ARAP1: variants seen among roughly 807,000 people sequenced by gnomAD.
The protein encoded by ARAP1 is arf-GAP with Rho-GAP domain, ANK repeat and PH domain-containing protein 1.
ARAP1 carries 76 observed loss-of-function variants against 172.2 expected under a neutral mutation model. The observed-to-expected ratio is 0.44, with a 90% confidence interval of 0.37 to 0.53. The LOEUF (loss-of-function observed/expected upper bound fraction) is 0.53, where lower values mean the gene tolerates loss of function less well. Among genes scored for constraint, ARAP1 ranks in the 20% least tolerant of loss-of-function variants. ARAP1 has a pLI of 0.00. For synonymous variants in ARAP1, 804 were observed against 803.3 expected (o/e 1.00, Z -0.01); for missense variants, 1,686 against 1,977.5 (o/e 0.85, Z 2.80).
At chr11:72,700,730 G>A (rs941473540) in intron 16 of ARAP1, among the ~76,000 whole-genome samples, 5 of 152,346 alleles carry the variant, frequency 3.3e-5, no homozygotes, top group East Asian at 3.9e-4. Flanking sequence ...GTAGCCAGGC[G>A]TGGTGACTCA....
In ARAP1 at chr11:72,741,420, C is replaced by T. The variant is rs1322705096; in HGVS notation, c.-127-8823G>A. ...GAAAGGTGACTCAACCAGCCCCACA[C>T]CTACAGAGACCTGGGGCGCTCCCAC... is the stretch of plus-strand genomic sequence containing the variant. On this transcript the variant is annotated intron_variant, in intron 1 of 34. Transcript: ENST00000393609. This position sits in a 1 kb window ranked among gnomAD's most constrained non-coding sequence, Gnocchi z 4.5. Among the ~76,000 whole-genome samples the T allele has an allele frequency of 6.6e-6, 1 of 152,148 alleles. No homozygotes were observed. The highest frequency in any genetic ancestry group is 2.4e-5 in the African/African-American group (1 of 41,424).
Position 72,685,694 on chromosome 11 carries a change from A to AAGAG in ARAP1, c.4336-17_4336-14dup. 6.2e-7 allele frequency: 1 copy of AAGAG among 1,614,012 alleles called. No individual in the cohort carries two copies. Among genetic ancestry groups the AAGAG allele is most frequent in the South Asian group, 1.1e-5 (1 of 91,080 alleles). Reference sequence around the variant, plus strand: ...CGTTGCGCAGAAGCTGCAGGAAGGCAAGAGACCCACAGGTATTTTGTGAAG... The same window carrying AAGAG: ...CGTTGCGCAGAAGCTGCAGGAAGGCAAGAGAGAGACCCACAGGTATTTTGTGAAG... On this transcript the variant is annotated splice_polypyrimidine_tract_variant and intron_variant, in intron 34 of 34. Coordinates refer to ENST00000393609, the MANE Select transcript of ARAP1 (RefSeq NM_001040118.3).
chr11:72,717,505 C>A (rs1380604297), intron 3 of ARAP1, among the ~76,000 whole-genome samples: 1 of 152,184 alleles, frequency 6.6e-6, no homozygotes, highest in Non-Finnish European at 1.5e-5. Context: ...GCAGCATCAG[C>A]CCCCCTCCTC....
chr11:72,696,775 A>G, intron 22 of ARAP1, 121 bp from the exon 23 acceptor site: 1 of 966,618 alleles, frequency 1.0e-6, no homozygotes, highest in Non-Finnish European at 1.5e-6. Context: ...AAGTCAATGC[A>G]GGCCAGGCAT....
chr11:72,688,788 G>A (rs1004234148), intron 30 of ARAP1: 1 of 455,928 alleles, frequency 2.2e-6, no homozygotes, highest in Non-Finnish European at 4.0e-6. Flanking sequence ...AGTCTCCGAG[G>A]CAGCCGTCCC....
In ARAP1 at chr11:72,704,024, A is replaced by C. The variant is rs1035766175; in HGVS notation, c.1992+128T>G. The C allele has an allele frequency of 4.6e-6, 6 of 1,293,336 alleles. No homozygotes were observed. The African/African-American group carries it at 8.9e-5, about 19-fold the overall frequency. 80.1% of individuals were successfully genotyped at this position (1,293,336 alleles called of 1,614,324 possible). A position where few individuals can be genotyped will look rare whatever the true frequency, so the allele number is the denominator to read the frequency against. ...GGCAGGGCCCTTCTGCCCTCCAAACATCAGTTTCCCCATATGCCAAGACAT... is the reference window on the plus strand; with the variant it reads ...GGCAGGGCCCTTCTGCCCTCCAAACCTCAGTTTCCCCATATGCCAAGACAT... On this transcript the variant is annotated intron_variant, in intron 14 of 34. Coordinates refer to ENST00000393609, the MANE Select transcript of ARAP1 (RefSeq NM_001040118.3).
Position 72,699,283 on chromosome 11 carries a change from C to T in ARAP1, c.2438+134G>A, listed in dbSNP as rs151145202. The T allele has an allele frequency of 3.2e-4, 458 of 1,441,970 alleles. No individual in the cohort carries two copies. The African/African-American group carries it at 5.9e-3, about 19-fold the overall frequency. The allele number at this position is 1,441,970 out of a possible 1,614,324, so 89.3% of individuals were successfully genotyped here. On this transcript the variant is annotated intron_variant, in intron 17 of 34. Transcript: ENST00000393609. This position sits in a 1 kb window ranked among gnomAD's most constrained non-coding sequence, Gnocchi z 4.2. ...GGCTGGGGCCTCAAGAGACTGGAGT[C>T]GGCCCTTGTGCAGCCTCCGTTTGCT...
At chr11:72,746,653 A>T (rs1318856437) in intron 1 of ARAP1, among the ~76,000 whole-genome samples, 1 of 152,104 alleles carries the variant, frequency 6.6e-6, no homozygotes, top group Non-Finnish European at 1.5e-5. Flanking sequence ...AGAGGAGTGG[A>T]ACAGCCCCCT....
chr11:72,716,530 T>C (rs543678433), intron 3 of ARAP1, among the ~76,000 whole-genome samples: 89 of 152,392 alleles, frequency 5.8e-4, no homozygotes, highest in South Asian at 5.8e-3. Context: ...TATAAGCAGA[T>C]TCTATATCTG....
At position 72,710,331 on chromosome 11, in the gene ARAP1, T is replaced by A; in HGVS notation, c.1416+54A>T. The A allele has an allele frequency of 6.2e-7, 1 of 1,602,476 alleles. No homozygotes were observed. Among genetic ancestry groups the A allele is most frequent in the Non-Finnish European group, 8.5e-7 (1 of 1,171,232 alleles). ...GCAGGGCTAAGGCCCTAGGTCAGCCTGGGGCAGGGTAGGTGGACATGGGCA... is the reference window on the plus strand; with the variant it reads ...GCAGGGCTAAGGCCCTAGGTCAGCCAGGGGCAGGGTAGGTGGACATGGGCA... On this transcript the variant is annotated intron_variant, in intron 10 of 34. Transcript: ENST00000393609. This position sits in a 1 kb window ranked among gnomAD's most constrained non-coding sequence, Gnocchi z 4.3.
intron 1 of ARAP1, among the ~76,000 whole-genome samples, chr11:72,747,505 A>G (rs932084880): frequency 1.5e-4 from 23 of 152,186 alleles, no homozygotes; most frequent in Admixed American, 5.9e-4. Flanking sequence ...CAGTGTGGGC[A>G]GGGTCTGAAG....
chr11:72,724,141 G>A (rs993812178), intron 3 of ARAP1, among the ~76,000 whole-genome samples: 35 of 152,244 alleles, frequency 2.3e-4, no homozygotes, highest in African/African-American at 7.0e-4. Flanking sequence ...CTGTCTGAAT[G>A]TGTAAATGCA....
intron 2 of ARAP1, among the ~76,000 whole-genome samples, chr11:72,729,683 T>C (rs142636829): frequency 6.6e-6 from 1 of 151,984 alleles, no homozygotes; most frequent in East Asian, 1.9e-4. Context: ...TTTGGGAGGC[T>C]AAAGCAAGAG....
intron 6 of ARAP1, 23 bp downstream of exon 6, chr11:72,712,414 GA>G (rs1857061592): frequency 6.4e-7 from 1 of 1,554,488 alleles, no homozygotes; most frequent in East Asian, 2.3e-5. Context: ...GGCTCAGTGG[GA>G]AGGAGGGTGG....
At chr11:72,738,573 C>A (rs1178058086) in intron 1 of ARAP1, among the ~76,000 whole-genome samples, 1 of 152,094 alleles carries the variant, frequency 6.6e-6, no homozygotes, top group Non-Finnish European at 1.5e-5. Flanking sequence ...TCCACCACCA[C>A]CTCCCTTATA....
chr11:72,698,193 C>A, intron 18 of ARAP1, 87 bp from the exon 19 acceptor site: 1 of 1,403,392 alleles, frequency 7.1e-7, no homozygotes, highest in South Asian at 1.5e-5. Flanking sequence ...AGGCACATGC[C>A]CTCTTCCCAC....
chr11:72,702,577 C>T (rs970411495), intron 15 of ARAP1, among the ~76,000 whole-genome samples: 4 of 152,208 alleles, frequency 2.6e-5, no homozygotes, highest in Non-Finnish European at 4.4e-5. Context: ...ACTCTGCACA[C>T]GCATGTACTC....
intron 1 of ARAP1, among the ~76,000 whole-genome samples, chr11:72,736,554 G>C (rs1858031628): frequency 6.6e-6 from 1 of 152,090 alleles, no homozygotes; most frequent in Non-Finnish European, 1.5e-5. Context: ...AGGAAGGCAG[G>C]GACCTGGCAG....
At chr11:72,692,632 G>C in intron 30 of ARAP1, 121 bp downstream of exon 30, 1 of 1,331,694 alleles carries the variant, frequency 7.5e-7, no homozygotes, top group Non-Finnish European at 1.1e-6. Flanking sequence ...CAACGGGCAA[G>C]GGGGCAGGGA....
Sources: allele counts gnomAD v4.1 joint callset (sites outside exome capture counted in the v4.1 genomes callset), GRCh38; gene constraint gnomAD v4.1.1; non-coding constraint Gnocchi (gnomAD v3.1); transcripts MANE v1.5; gene names NCBI Gene and HGNC (gene_info 2026-07-23, HGNC 2026-07-21).